Variants in MPV17L observed in about 807,000 individuals in gnomAD.
The protein encoded by MPV17L is mpv17-like protein.
In MPV17L, 24 loss-of-function variants were observed where a neutral mutation model predicts 25.8. That is an observed-to-expected ratio of 0.93 (90% CI 0.67 to 1.31). MPV17L has a LOEUF of 1.31. Among genes scored for constraint, MPV17L ranks in the 50% most tolerant of loss-of-function variants. The probability of loss-of-function intolerance (pLI) is 0.00; values close to 1 mark genes in which losing one functional copy is unlikely to be tolerated. For synonymous variants in MPV17L, 102 were observed against 115.3 expected (o/e 0.88, Z 0.74); for missense variants, 250 against 265.6 (o/e 0.94, Z 0.41).
Position 15,409,079 on chromosome 16 carries a change from CT to C in MPV17L, c.*987del, listed in dbSNP as rs71152421. The C allele has an allele frequency of 0.12, 12,068 of 102,364 alleles. 494 individuals are homozygous for C. The highest frequency in any genetic ancestry group is 0.32 in the East Asian group (1,158 of 3,566). 6.3% of individuals were successfully genotyped at this position (102,364 alleles called of 1,614,324 possible). On this transcript the variant is annotated 3_prime_UTR_variant, in exon 4 of 4. Transcript: ENST00000396385. ...TACAGGCGTGAGCCACCACAACCGA[CT>C]TTTTTTTTTTTTTTTTTTTGAGACA...
At chr16:15,401,003 A>G in intron 2 of MPV17L, 146 bp downstream of exon 2, 1 of 387,360 alleles carries the variant, frequency 2.6e-6, no homozygotes, top group East Asian at 6.1e-5. Context: ...TTTCATATAC[A>G]TGTGATAATT....
rs541968938 is a variant in MPV17L at position 15,409,986 on chromosome 16, C to T, written c.*1874C>T. 9.2e-5 allele frequency: 14 copies of T among 152,188 alleles called. No homozygotes were observed. The highest frequency in any genetic ancestry group is 1.2e-4 in the Non-Finnish European group (8 of 67,998). The allele number at this position is 152,188 out of a possible 1,614,324, so 9.4% of individuals were successfully genotyped here. A position where few individuals can be genotyped will look rare whatever the true frequency, so the allele number is the denominator to read the frequency against. Reference sequence around the variant, plus strand: ...TTTCCCAGATACATGAAATAAAATACTTGGTTTCTTTTCCAATTTCACACT... The same window carrying T: ...TTTCCCAGATACATGAAATAAAATATTTGGTTTCTTTTCCAATTTCACACT... On this transcript the variant is annotated 3_prime_UTR_variant, in exon 4 of 4. Transcript: ENST00000396385.
At chr16:15,405,220 C>T (rs1226756958) in intron 2 of MPV17L, among the ~76,000 whole-genome samples, 1 of 151,396 alleles carries the variant, frequency 6.6e-6, no homozygotes, top group Non-Finnish European at 1.5e-5. Flanking sequence ...TACATTCTGA[C>T]AAGAAAAAAA....
At position 15,409,834 on chromosome 16, in the gene MPV17L, T is replaced by C. The variant is rs768335463; in HGVS notation, c.*1722T>C. ...GGCTCAGTAAGTACATTTTTTATTA[T>C]CAAAAACAGAGTAGTGTATGATTGG... On this transcript the variant is annotated 3_prime_UTR_variant, in exon 4 of 4. Transcript: ENST00000396385. 6.6e-6 allele frequency: 1 copy of C among 152,222 alleles called. No individual in the cohort carries two copies. Among genetic ancestry groups the C allele is most frequent in the Non-Finnish European group, 1.5e-5 (1 of 68,044 alleles). The allele number at this position is 152,222 out of a possible 1,614,324, so 9.4% of individuals were successfully genotyped here.
chr16:15,407,889 C>G (rs777952939), intron 3 of MPV17L, 36 bp downstream of exon 3: 2 of 1,612,888 alleles, frequency 1.2e-6, no homozygotes, highest in East Asian at 4.5e-5. Flanking sequence ...GAACTCAGGG[C>G]TTTGGTTTCC....
chr16:15,409,104 CAG>C lies in MPV17L; in HGVS notation c.*996_*997del, dbSNP rs2050710139. The C allele has an allele frequency of 9.0e-6, 1 of 110,984 alleles. No individual in the cohort carries two copies. Among genetic ancestry groups the C allele is most frequent in the African/African-American group, 3.3e-5 (1 of 30,038 alleles). 6.9% of individuals were successfully genotyped at this position (110,984 alleles called of 1,614,324 possible). A position where few individuals can be genotyped will look rare whatever the true frequency, so the allele number is the denominator to read the frequency against. On this transcript the variant is annotated 3_prime_UTR_variant, in exon 4 of 4. Transcript: ENST00000396385. ...CTTTTTTTTTTTTTTTTTTTTGAGA[CAG>C]AGACTCGCTCTGTCACCCAGGCTGG...
intron 2 of MPV17L, among the ~76,000 whole-genome samples, chr16:15,403,022 A>T (rs1200469621): frequency 6.6e-6 from 1 of 150,876 alleles, no homozygotes; most frequent in South Asian, 2.1e-4. Context: ...AAGTTTTTCC[A>T]TTATGTTGTA....
Position 15,395,891 on chromosome 16 carries a change from C to A in MPV17L, c.-7C>A. ...GGCTCCTGATCGCGGGCGCCCACAG[C>A]GCGGACATGGCGGGCTGGTGGCCGG... On this transcript the variant is annotated 5_prime_UTR_variant, in exon 1 of 4. Coordinates refer to ENST00000396385, the MANE Select transcript of MPV17L (RefSeq NM_001128423.2). The A allele has an allele frequency of 2.9e-6, 4 of 1,394,870 alleles. No homozygotes were observed. The highest frequency in any genetic ancestry group is 3.7e-6 in the Non-Finnish European group (4 of 1,087,474). The allele number at this position is 1,394,870 out of a possible 1,614,324, so 86.4% of individuals were successfully genotyped here.
intron 1 of MPV17L, among the ~76,000 whole-genome samples, chr16:15,396,979 A>C (rs949916905): frequency 6.6e-6 from 1 of 152,180 alleles, no homozygotes; most frequent in African/African-American, 2.4e-5. Flanking sequence ...TCTCTACTGC[A>C]TACAATAAGA....
intron 3 of MPV17L, 31 bp downstream of exon 3, chr16:15,407,884 C>G (rs1215441394): frequency 6.2e-7 from 1 of 1,613,128 alleles, no homozygotes; most frequent in South Asian, 1.1e-5. Flanking sequence ...AATATGAACT[C>G]AGGGCTTTGG....
chr16:15,399,535 A>G (rs2050616178), intron 1 of MPV17L: 1 of 390,964 alleles, frequency 2.6e-6, no homozygotes, highest in African/African-American at 2.1e-5. Flanking sequence ...CCTCTGGAGT[A>G]GCTGGGACTA....
chr16:15,400,094 G>A (rs941084517), intron 1 of MPV17L, among the ~76,000 whole-genome samples: 5 of 152,008 alleles, frequency 3.3e-5, no homozygotes, highest in African/African-American at 7.2e-5. Flanking sequence ...TGAGCCACGC[G>A]CCCAGCCCAC....
At chr16:15,402,678 T>G (rs768983160) in intron 2 of MPV17L, among the ~76,000 whole-genome samples, 1 of 152,174 alleles carries the variant, frequency 6.6e-6, no homozygotes, top group Non-Finnish European at 1.5e-5. Context: ...GTTTTGGTTT[T>G]TTTGTTTGTT....
chr16:15,401,056 G>GTA (rs1452334150), intron 2 of MPV17L, among the ~76,000 whole-genome samples, 199 bp downstream of exon 2: 19 of 49,038 alleles, frequency 3.9e-4, no homozygotes, highest in African/African-American at 1.4e-3. Context: ...GTATGTGTGT[G>GTA]TGTATATATA....
intron 2 of MPV17L, among the ~76,000 whole-genome samples, chr16:15,406,853 G>A (rs554063431): frequency 6.6e-6 from 1 of 152,240 alleles, no homozygotes; most frequent in Admixed American, 6.5e-5. Context: ...TTGAACCTAG[G>A]AGGCAGATGT....
chr16:15,401,084 ATATTT>A (rs1448949080), intron 2 of MPV17L, among the ~76,000 whole-genome samples: 16 of 33,200 alleles, frequency 4.8e-4, no homozygotes, highest in African/African-American at 1.2e-3. Flanking sequence ...ATATATATAT[ATATTT>A]TTTTTTTTTT....
intron 2 of MPV17L, 64 bp from the exon 3 acceptor site, chr16:15,407,760 T>G (rs1240899888): frequency 2.7e-6 from 4 of 1,466,538 alleles, no homozygotes; most frequent in Non-Finnish European, 3.7e-6. Flanking sequence ...AAAAACAAAA[T>G]AAATAAATAA....
intron 1 of MPV17L, among the ~76,000 whole-genome samples, chr16:15,396,723 A>G (rs3867564): frequency 6.6e-6 from 1 of 152,176 alleles, no homozygotes; most frequent in Non-Finnish European, 1.5e-5. Flanking sequence ...CAAGGGGATC[A>G]GTGACCCTGA....
At position 15,409,958 on chromosome 16, in the gene MPV17L, T is replaced by C. The variant is rs777516826; in HGVS notation, c.*1846T>C. Reference sequence around the variant, plus strand: ...GGCAGATTCAGTTGACTAAAGCACCTCATTTCCCAGATACATGAAATAAAA... The same window carrying C: ...GGCAGATTCAGTTGACTAAAGCACCCCATTTCCCAGATACATGAAATAAAA... On this transcript the variant is annotated 3_prime_UTR_variant, in exon 4 of 4. Transcript: ENST00000396385. The C allele has an allele frequency of 6.6e-6, 1 of 152,350 alleles. No individual in the cohort carries two copies. The highest frequency in any genetic ancestry group is 1.5e-5 in the Non-Finnish European group (1 of 68,036). The allele number at this position is 152,350 out of a possible 1,614,324, so 9.4% of individuals were successfully genotyped here.
Sources: allele counts gnomAD v4.1 joint callset (sites outside exome capture counted in the v4.1 genomes callset), GRCh38; gene constraint gnomAD v4.1.1; transcripts MANE v1.5; gene names NCBI Gene and HGNC (gene_info 2026-07-23, HGNC 2026-07-21).